AFF1: variants seen among roughly 807,000 people sequenced by gnomAD.
AFF1 encodes ALF transcription elongation factor 1.
Under a neutral mutation model 121.7 loss-of-function variants are expected in AFF1, and 48 were observed. The ratio of observed to expected loss-of-function variants is 0.39; its 90% CI spans 0.31 to 0.50. The LOEUF (loss-of-function observed/expected upper bound fraction) is 0.50, where lower values mean the gene tolerates loss of function less well. Among genes scored for constraint, AFF1 ranks in the 20% least tolerant of loss-of-function variants. AFF1 has a pLI of 0.76. For synonymous variants in AFF1, 613 were observed against 563.0 expected, an observed-to-expected ratio of 1.09 and a Z score of -1.26; for missense variants, 1,523 against 1,511.7, an observed-to-expected ratio of 1.01 and a Z score of -0.12.
intron 2 of AFF1, among the ~76,000 whole-genome samples, chr4:86,989,019 C>G (rs952718210): frequency 2.6e-5 from 4 of 152,128 alleles, no homozygotes; most frequent in African/African-American, 9.7e-5. Context: ...TTCCTTACAC[C>G]TTATACAAAA....
chr4:87,044,082 C>T lies in AFF1; in HGVS notation c.39-2084C>T, dbSNP rs13129172. Among the ~76,000 whole-genome samples, 624 of 152,270 alleles carry T rather than the reference C, an allele frequency of 4.1e-3. 3 individuals are homozygous for T. Among genetic ancestry groups the T allele is most frequent in the Non-Finnish European group, 7.1e-3 (482 of 68,020 alleles). ...CCACCTGCCTTGGCCTCCCAAAGTG[C>T]TGGGATTACAGGTGTGAGCCACTGC... On this transcript the variant is annotated intron_variant, in intron 2 of 20. Coordinates refer to ENST00000395146, the MANE Select transcript of AFF1 (RefSeq NM_001166693.3).
chr4:87,084,997 G>A (rs1230649600), intron 5 of AFF1, among the ~76,000 whole-genome samples: 1 of 152,146 alleles, frequency 6.6e-6, no homozygotes, highest in African/African-American at 2.4e-5. Context: ...AATTTTAAAG[G>A]AATGAAAGAA....
intron 2 of AFF1, among the ~76,000 whole-genome samples, chr4:86,993,011 T>C (rs1462893850): frequency 2.0e-5 from 3 of 152,202 alleles, no homozygotes; most frequent in Admixed American, 2.0e-4. Flanking sequence ...TTAGACGTAA[T>C]AAATGCTCAA....
chr4:86,974,837 C>G (rs535144251), intron 2 of AFF1, among the ~76,000 whole-genome samples: 2 of 152,182 alleles, frequency 1.3e-5, no homozygotes. Flanking sequence ...ACCAAGTTGT[C>G]GGTTTGTGGT....
chr4:87,073,298 A>C (rs1462784142), intron 4 of AFF1, among the ~76,000 whole-genome samples: 1 of 102,972 alleles, frequency 9.7e-6, no homozygotes, highest in Non-Finnish European at 2.4e-5. Flanking sequence ...AAAAAAAAAA[A>C]AAAAAAAAAA....
intron 4 of AFF1, among the ~76,000 whole-genome samples, chr4:87,056,730 A>C (rs149513496): frequency 1.8e-3 from 270 of 152,372 alleles, no homozygotes; most frequent in Non-Finnish European, 3.2e-3. Flanking sequence ...CAGGCACAGT[A>C]AATTTATTAT....
intron 2 of AFF1, among the ~76,000 whole-genome samples, chr4:87,041,981 G>A (rs188010836): frequency 1.8e-3 from 263 of 150,200 alleles, no homozygotes; most frequent in African/African-American, 6.1e-3. Context: ...CTGCACTCCA[G>A]CCTGGGCGAC....
chr4:87,039,567 G>A (rs1295410876), intron 2 of AFF1, among the ~76,000 whole-genome samples: 1 of 152,208 alleles, frequency 6.6e-6, no homozygotes. Flanking sequence ...GTTTTCACAT[G>A]TGACTGATCT....
intron 2 of AFF1, among the ~76,000 whole-genome samples, chr4:87,026,061 C>CTTTTTTT (rs34793575): frequency 3.6e-5 from 4 of 109,730 alleles, no homozygotes; most frequent in African/African-American, 1.1e-4. Flanking sequence ...AGAGACCATG[C>CTTTTTTT]TTTTTTTTTT....
At chr4:87,084,827 C>T (rs560819948) in intron 5 of AFF1, among the ~76,000 whole-genome samples, 2 of 152,238 alleles carry the variant, frequency 1.3e-5, no homozygotes, top group African/African-American at 4.8e-5. Flanking sequence ...CATAAAGGCC[C>T]AGGAGAGTTG....
In AFF1 at chr4:87,033,644, A is replaced by G. The variant is rs555983254; in HGVS notation, c.39-12522A>G. On this transcript the variant is annotated intron_variant, in intron 2 of 20. Transcript: ENST00000395146. ...AATTTGCTCCTGAATAATTTGAGAG[A>G]AGAGGTGCCTTTTAAAATCACCTTG... is the stretch of plus-strand genomic sequence containing the variant. 4.6e-5 allele frequency among the ~76,000 whole-genome samples: 7 copies of G among 152,258 alleles called. No homozygotes were observed. In the South Asian group the frequency reaches 1.5e-3, roughly 32 times the overall value.
chr4:86,994,081 CCTTA>C (rs1254782118), intron 2 of AFF1, among the ~76,000 whole-genome samples: 1 of 152,260 alleles, frequency 6.6e-6, no homozygotes, highest in African/African-American at 2.4e-5. Context: ...TGCTCTGCAG[CCTTA>C]CTTTAAGTAA....
rs537806271 is a variant in AFF1 at position 86,937,127 on chromosome 4, G to A, written c.-37+1887G>A. Among the ~76,000 whole-genome samples, 55 of 152,254 alleles carry A rather than the reference G, an allele frequency of 3.6e-4. 1 individual carries two copies. Among genetic ancestry groups the A allele is most frequent in the Middle Eastern group, 3.4e-3 (1 of 294 alleles). On this transcript the variant is annotated intron_variant, in intron 1 of 20. Transcript: ENST00000395146. The stretch of plus-strand genomic sequence containing the variant: ...GCAGGTATGTTGCTGTGAATTCTTT[G>A]CTTTTCACCTGCAAGAAAATGAACT...
Position 87,126,276 on chromosome 4 carries a change from T to C in AFF1, c.2751T>C (p.Ser917=). ...GTACCAAGAGCAACCACAAAGACTC[T>C]TCCATTCCCAAGCAGAGAAGAGTAG... ...ASSTKSNHKD[S]SIPKQRRVEG... Residue 917 remains serine, a synonymous_variant, in exon 14 of 21, where the codon TCT becomes TCC. Transcript: ENST00000395146. 6.2e-7 allele frequency: 1 copy of C among 1,614,066 alleles called. No individual in the cohort carries two copies. The highest frequency in any genetic ancestry group is 8.5e-7 in the Non-Finnish European group (1 of 1,180,014).
At chr4:87,000,934 ATTTAT>A (rs1197594321) in intron 2 of AFF1, among the ~76,000 whole-genome samples, 1 of 152,126 alleles carries the variant, frequency 6.6e-6, no homozygotes, top group Non-Finnish European at 1.5e-5. Context: ...GTTGAATCAG[ATTTAT>A]TTTATTAGAG....
Position 87,114,468 on chromosome 4 carries a change from A to C in AFF1, c.1635A>C (p.Pro545=). The C allele has an allele frequency of 6.2e-7, 1 of 1,613,596 alleles. No homozygotes were observed. The highest frequency in any genetic ancestry group is 8.5e-7 in the Non-Finnish European group (1 of 1,179,964). The change falls in exon 12 of 21, where the codon CCA becomes CCC. Residue 545 remains proline, a synonymous_variant. Transcript: ENST00000395146. The part of the protein sequence containing the change: ...PPEGPRSTEP[P]RRHPESKGSS... The stretch of plus-strand genomic sequence containing the variant: ...AGGGCCCCAGGAGCACAGAGCCCCC[A>C]CGGCGGCACCCAGAGAGTAAGGGCA...
intron 12 of AFF1, among the ~76,000 whole-genome samples, chr4:87,122,248 C>A (rs989531095): frequency 6.6e-6 from 1 of 152,174 alleles, no homozygotes; most frequent in African/African-American, 2.4e-5. Flanking sequence ...TTCACTGGGC[C>A]GTTTGGTAAC....
intron 4 of AFF1, among the ~76,000 whole-genome samples, chr4:87,052,776 G>A (rs1025384995): frequency 3.3e-5 from 5 of 152,054 alleles, no homozygotes; most frequent in Admixed American, 6.6e-5. Flanking sequence ...AGCCATGTAC[G>A]TGGTATGAAG....
chr4:87,069,523 CCT>C, intron 4 of AFF1, among the ~76,000 whole-genome samples: 1 of 148,186 alleles, frequency 6.7e-6, no homozygotes, highest in East Asian at 2.0e-4. Context: ...CCTCTCCCCT[CCT>C]CTTTCTCTCC....
Sources: gnomAD v4.1 joint callset for allele counts (sites outside exome capture counted in the v4.1 genomes callset) on GRCh38, gnomAD v4.1.1 for gene constraint, MANE v1.5 for transcripts, NCBI Gene and HGNC (gene_info 2026-07-23, HGNC 2026-07-21) for gene names.